Variants in BCAS3 observed in about 807,000 individuals in gnomAD.
BCAS3 encodes the protein BCAS3 microtubule associated cell migration factor.
A neutral mutation model predicts 116.1 loss-of-function variants in BCAS3; 53 were observed. That is an observed-to-expected ratio of 0.46 (90% confidence interval 0.37 to 0.57). BCAS3 has a LOEUF of 0.57. Among genes scored for constraint, BCAS3 ranks in the 20% least tolerant of loss-of-function variants. The pLI is 0.00. For synonymous variants in BCAS3, 391 were observed against 408.2 expected, an observed-to-expected ratio of 0.96 and a Z score of 0.51; for missense variants, 917 against 1,165.4, an observed-to-expected ratio of 0.79 and a Z score of 3.10.
chr17:61,237,128 A>C (rs2083123727), intron 22 of BCAS3, among the ~76,000 whole-genome samples: 2 of 152,224 alleles, frequency 1.3e-5, no homozygotes, highest in Non-Finnish European at 2.9e-5. Flanking sequence ...ACTTCTGGGT[A>C]GAGTGGGGAC....
At position 61,019,048 on chromosome 17, in the gene BCAS3, T is replaced by C. The variant is rs1218043309; in HGVS notation, c.1637+3147T>C. Reference sequence around the variant, plus strand: ...TCAGTCATACTTGACTGTTGCTAGATGACAAGACTCAATATCTTTAAGCCA... The same window carrying C: ...TCAGTCATACTTGACTGTTGCTAGACGACAAGACTCAATATCTTTAAGCCA... On this transcript the variant is annotated intron_variant, in intron 16 of 23. Coordinates refer to ENST00000407086, the MANE Select transcript of BCAS3 (RefSeq NM_017679.5). The surrounding 1 kb of genome is among the most constrained non-coding windows in gnomAD (Gnocchi z 5.6). Among the ~76,000 whole-genome samples, 1 of 152,170 alleles carries C rather than the reference T, an allele frequency of 6.6e-6. No homozygotes were observed. The highest frequency in any genetic ancestry group is 1.5e-5 in the Non-Finnish European group (1 of 68,024).
intron 13 of BCAS3, among the ~76,000 whole-genome samples, chr17:60,941,173 C>A (rs1308691001): frequency 6.6e-6 from 1 of 152,166 alleles, no homozygotes; most frequent in Non-Finnish European, 1.5e-5. Flanking sequence ...TACAGAAGTG[C>A]CTAAACAGCT....
At position 61,241,293 on chromosome 17, in the gene BCAS3, G is replaced by T. The variant is rs1394635051; in HGVS notation, c.2426-127034G>T. On this transcript the variant is annotated intron_variant, in intron 22 of 23. Transcript: ENST00000407086. The surrounding 1 kb of genome is among the most constrained non-coding windows in gnomAD (Gnocchi z 4.6). ...AGTGAGTGAGCCTGTTTACCACCAA[G>T]TACCCACGTCTTCCTTTGGCTCTGT... Among the ~76,000 whole-genome samples, 1 of 152,042 alleles carries T rather than the reference G, an allele frequency of 6.6e-6. No individual in the cohort carries two copies. Among genetic ancestry groups the T allele is most frequent in the Non-Finnish European group, 1.5e-5 (1 of 68,026 alleles).
intron 6 of BCAS3, among the ~76,000 whole-genome samples, chr17:60,800,175 G>A (rs1422312431): frequency 6.6e-6 from 1 of 152,098 alleles, no homozygotes; most frequent in East Asian, 1.9e-4. Flanking sequence ...TAATTACCAA[G>A]GAGTGATGAT....
Position 61,378,353 on chromosome 17 carries a change from C to T in BCAS3, c.2593+9859C>T, listed in dbSNP as rs975050570. On this transcript the variant is annotated intron_variant, in intron 23 of 23. Coordinates refer to ENST00000407086, the MANE Select transcript of BCAS3 (RefSeq NM_017679.5). The surrounding 1 kb of genome is among the most constrained non-coding windows in gnomAD (Gnocchi z 5.8). ...ATCTCACCTCCTCTGTGTTGCTTTC[C>T]CTGACCATGAAGCCAAATGTGTGCA... is the stretch of plus-strand genomic sequence containing the variant. The T allele has an allele frequency of 6.6e-6, 1 of 152,316 alleles. No homozygotes were observed. Among genetic ancestry groups the T allele is most frequent in the African/African-American group, 2.4e-5 (1 of 41,434 alleles). The allele number at this position is 152,316 out of a possible 1,614,324, so 9.4% of individuals were successfully genotyped here.
chr17:61,271,162 C>A (rs1241091674), intron 22 of BCAS3, among the ~76,000 whole-genome samples: 2 of 127,586 alleles, frequency 1.6e-5, no homozygotes, highest in Admixed American at 8.6e-5. Context: ...GAGTCTCGCT[C>A]TGTTCCCCAG....
rs148515285 is a variant in BCAS3 at position 61,022,794 on chromosome 17, C to T, written c.1637+6893C>T. Among the ~76,000 whole-genome samples the T allele has an allele frequency of 3.7e-4, 56 of 152,160 alleles. No individual in the cohort carries two copies. In the East Asian group the frequency reaches 0.01, roughly 27 times the overall value. ...AGCTGGTACTACAGGCCTATATCAC[C>T]GCACCCGGCTGATTTTTAAAATGTT... On this transcript the variant is annotated intron_variant, in intron 16 of 23. Coordinates refer to ENST00000407086, the MANE Select transcript of BCAS3 (RefSeq NM_017679.5).
chr17:61,146,050 A>G (rs2077183970), intron 22 of BCAS3, among the ~76,000 whole-genome samples: 1 of 150,852 alleles, frequency 6.6e-6, no homozygotes, highest in South Asian at 2.1e-4. Flanking sequence ...TCATCCCCCT[A>G]TGCATCATCT....
chr17:60,732,906 A>G (rs1221184392), intron 5 of BCAS3, among the ~76,000 whole-genome samples: 1 of 152,200 alleles, frequency 6.6e-6, no homozygotes, highest in Non-Finnish European at 1.5e-5. Flanking sequence ...TCAATATGGT[A>G]TTTTAACAAA....
intron 7 of BCAS3, among the ~76,000 whole-genome samples, chr17:60,823,472 GAATATC>G (rs2050128306): frequency 6.6e-6 from 1 of 152,184 alleles, no homozygotes; most frequent in Non-Finnish European, 1.5e-5. Flanking sequence ...GCTGAGGTAG[GAATATC>G]ACTTGAGCCC....
chr17:61,106,748 C>G lies in BCAS3; in HGVS notation c.2425+22184C>G, dbSNP rs1334824091. Among the ~76,000 whole-genome samples, 1 of 152,132 alleles carries G rather than the reference C, an allele frequency of 6.6e-6. No homozygotes were observed. The highest frequency in any genetic ancestry group is 2.4e-5 in the African/African-American group (1 of 41,422). On this transcript the variant is annotated intron_variant, in intron 22 of 23. Coordinates refer to ENST00000407086, the MANE Select transcript of BCAS3 (RefSeq NM_017679.5). The surrounding 1 kb of genome is among the most constrained non-coding windows in gnomAD (Gnocchi z 4.2). ...TCAAGTCATTAAATATTTTTGAAGA[C>G]ATAGATATTTTAATGGTGGCTGGAT...
rs1357146236 is a variant in BCAS3 at position 61,097,184 on chromosome 17, T to C, written c.2425+12620T>C. Among the ~76,000 whole-genome samples the C allele has an allele frequency of 6.6e-6, 1 of 152,156 alleles. No individual in the cohort carries two copies. Among genetic ancestry groups the C allele is most frequent in the African/African-American group, 2.4e-5 (1 of 41,418 alleles). ...CTCTGTTTCTTTATTTGTTTTTTTC[T>C]TTTTTCTTTTTTGAGACTGAGTCTC... On this transcript the variant is annotated intron_variant, in intron 22 of 23. Transcript: ENST00000407086. This position sits in a 1 kb window ranked among gnomAD's most constrained non-coding sequence, Gnocchi z 4.0.
intron 9 of BCAS3, among the ~76,000 whole-genome samples, chr17:60,886,767 A>G (rs375704673): frequency 7.1e-4 from 107 of 150,060 alleles, no homozygotes; most frequent in African/African-American, 1.5e-3. Flanking sequence ...GGGGGTCAGG[A>G]GTCAGGGACC....
At chr17:61,275,057 G>A (rs1377132552) in intron 22 of BCAS3, among the ~76,000 whole-genome samples, 1 of 151,926 alleles carries the variant, frequency 6.6e-6, no homozygotes, top group Non-Finnish European at 1.5e-5. Flanking sequence ...TCAGCATGTC[G>A]CCCAGGCTAG....
chr17:61,206,413 T>G (rs1261128166), intron 22 of BCAS3, among the ~76,000 whole-genome samples: 1 of 152,202 alleles, frequency 6.6e-6, no homozygotes, highest in Non-Finnish European at 1.5e-5. Flanking sequence ...TTAACTTCGT[T>G]TGTACATATT....
intron 22 of BCAS3, among the ~76,000 whole-genome samples, chr17:61,238,963 A>G (rs1388327420): frequency 6.6e-6 from 1 of 152,206 alleles, no homozygotes; most frequent in South Asian, 2.1e-4. Flanking sequence ...GATATTGCAG[A>G]TAGTCCAGAC....
chr17:60,828,663 A>G (rs2050643748), intron 7 of BCAS3, among the ~76,000 whole-genome samples: 1 of 152,134 alleles, frequency 6.6e-6, no homozygotes, highest in South Asian at 2.1e-4. Context: ...ATATGATTTT[A>G]AGATGTTTTC....
At chr17:60,789,099 A>G (rs552629506) in intron 6 of BCAS3, among the ~76,000 whole-genome samples, 1 of 152,292 alleles carries the variant, frequency 6.6e-6, no homozygotes, top group Admixed American at 6.5e-5. Context: ...TCCTTCTAGA[A>G]AATATTTTTC....
intron 7 of BCAS3, among the ~76,000 whole-genome samples, chr17:60,866,654 G>T (rs2054621418): frequency 6.6e-6 from 1 of 152,098 alleles, no homozygotes; most frequent in Non-Finnish European, 1.5e-5. Flanking sequence ...GTTATGAATT[G>T]AATTTCTTTT....
Sources: allele counts gnomAD v4.1 joint callset (sites outside exome capture counted in the v4.1 genomes callset), GRCh38; gene constraint gnomAD v4.1.1; non-coding constraint Gnocchi (gnomAD v3.1); transcripts MANE v1.5; gene names NCBI Gene and HGNC (gene_info 2026-07-23, HGNC 2026-07-21).